ABHD17C: variants seen among roughly 807,000 people sequenced by gnomAD.
The protein encoded by ABHD17C is alpha/beta hydrolase domain-containing protein 17C.
ABHD17C carries 11 observed loss-of-function variants against 27.9 expected under a neutral mutation model. The ratio of observed to expected loss-of-function variants is 0.39; its 90% CI spans 0.25 to 0.65. The LOEUF is 0.65. Among genes scored for constraint, ABHD17C ranks in the 30% least tolerant of loss-of-function variants. The pLI, the probability that ABHD17C is intolerant of heterozygous loss-of-function variation, is 0.45. For missense variants in ABHD17C, 280 were observed against 470.2 expected, an observed-to-expected ratio of 0.60 and a Z score of 3.74; for synonymous variants, 233 against 209.1, an observed-to-expected ratio of 1.11 and a Z score of -0.98.
At chr15:80,712,952 T>C (rs1054488217) in intron 1 of ABHD17C, among the ~76,000 whole-genome samples, 3 of 152,128 alleles carry the variant, frequency 2.0e-5, no homozygotes, top group African/African-American at 7.2e-5. Context: ...TTATATACAA[T>C]GTACAGAAAA....
chr15:80,700,509 G>T (rs1413857259), intron 1 of ABHD17C, among the ~76,000 whole-genome samples: 1 of 152,118 alleles, frequency 6.6e-6, no homozygotes, highest in Non-Finnish European at 1.5e-5. Flanking sequence ...AGATGCAGAG[G>T]GAAGAAGATA....
At chr15:80,696,053 A>G (rs1195192997) in intron 1 of ABHD17C, 34 bp downstream of exon 1, 3 of 1,512,332 alleles carry the variant, frequency 2.0e-6, no homozygotes, top group Non-Finnish European at 2.7e-6. Context: ...CCTGACTTCC[A>G]GCTGTGGGGA....
intron 1 of ABHD17C, among the ~76,000 whole-genome samples, chr15:80,744,001 G>A (rs904716842): frequency 6.6e-6 from 1 of 152,172 alleles, no homozygotes; most frequent in African/African-American, 2.4e-5. Flanking sequence ...AACTGTTAAT[G>A]TTTTTTGAGA....
chr15:80,702,165 C>A (rs905642665), intron 1 of ABHD17C, among the ~76,000 whole-genome samples: 1 of 152,150 alleles, frequency 6.6e-6, no homozygotes, highest in African/African-American at 2.4e-5. Flanking sequence ...TCATTTAGTG[C>A]ACTCTTAGAG....
At chr15:80,733,249 C>G (rs774781631) in intron 1 of ABHD17C, among the ~76,000 whole-genome samples, 37 of 152,142 alleles carry the variant, frequency 2.4e-4, no homozygotes, top group African/African-American at 8.5e-4. Flanking sequence ...TTACAGAATC[C>G]CTGTTTTAGT....
At chr15:80,707,558 A>AT (rs1482309320) in intron 1 of ABHD17C, among the ~76,000 whole-genome samples, 1 of 149,276 alleles carries the variant, frequency 6.7e-6, no homozygotes, top group Non-Finnish European at 1.5e-5. Context: ...GCAATAGCTG[A>AT]TGAGCCCCCC....
At chr15:80,729,200 G>A (rs1213707305) in intron 1 of ABHD17C, among the ~76,000 whole-genome samples, 1 of 152,104 alleles carries the variant, frequency 6.6e-6, no homozygotes, top group Non-Finnish European at 1.5e-5. Context: ...TTCCTGGGAG[G>A]CCTCACAGAG....
chr15:80,734,500 T>A (rs561939606), intron 1 of ABHD17C, among the ~76,000 whole-genome samples: 2 of 152,366 alleles, frequency 1.3e-5, no homozygotes, highest in East Asian at 3.9e-4. Context: ...TTCAAGCAAA[T>A]TATTCTATTT....
chr15:80,719,278 A>T (rs2141501450), intron 1 of ABHD17C, among the ~76,000 whole-genome samples: 1 of 152,354 alleles, frequency 6.6e-6, no homozygotes, highest in African/African-American at 2.4e-5. Context: ...TTTCTTGGTT[A>T]ACCAATTTTG....
chr15:80,700,731 C>T (rs923852841), intron 1 of ABHD17C, among the ~76,000 whole-genome samples: 5 of 152,032 alleles, frequency 3.3e-5, no homozygotes, highest in African/African-American at 1.2e-4. Context: ...GGACCCCCAT[C>T]TCTACAAAAA....
At chr15:80,729,120 G>A (rs1895022577) in intron 1 of ABHD17C, among the ~76,000 whole-genome samples, 1 of 152,112 alleles carries the variant, frequency 6.6e-6, no homozygotes, top group Admixed American at 6.6e-5. Flanking sequence ...TCAGCTTGTG[G>A]GCACCAAAGG....
intron 1 of ABHD17C, among the ~76,000 whole-genome samples, chr15:80,716,172 AGG>A (rs1894801585): frequency 6.6e-6 from 1 of 152,192 alleles, no homozygotes; most frequent in Non-Finnish European, 1.5e-5. Context: ...TAACTAAAGA[AGG>A]GGGTTCTTTT....
At chr15:80,740,157 G>GACTTGACCTCATTACTT (rs1456015940) in intron 1 of ABHD17C, among the ~76,000 whole-genome samples, 3 of 152,102 alleles carry the variant, frequency 2.0e-5, no homozygotes, top group Non-Finnish European at 4.4e-5. Context: ...ACCTGTGGTA[G>GACTTGACCTCATTACTT]ACTTGACCTC....
At chr15:80,752,718 T>C (rs756357840) in intron 2 of ABHD17C, among the ~76,000 whole-genome samples, 40 of 152,322 alleles carry the variant, frequency 2.6e-4, no homozygotes, top group Admixed American at 1.2e-3. Flanking sequence ...AGAAGTAAAC[T>C]ACAAGAGGCT....
chr15:80,714,209 G>A (rs952716364), intron 1 of ABHD17C, among the ~76,000 whole-genome samples: 1 of 152,130 alleles, frequency 6.6e-6, no homozygotes, highest in African/African-American at 2.4e-5. Context: ...GCTTACCTTG[G>A]CCTCCCAAAG....
At chr15:80,754,102 G>A (rs1349843414) in intron 2 of ABHD17C, 49 bp from the exon 3 acceptor site, 1 of 1,391,662 alleles carries the variant, frequency 7.2e-7, no homozygotes. Context: ...TTATCTGTGA[G>A]CATAACTAAT....
chr15:80,733,433 C>T (rs1038295075), intron 1 of ABHD17C, among the ~76,000 whole-genome samples: 2 of 152,108 alleles, frequency 1.3e-5, no homozygotes, highest in African/African-American at 4.8e-5. Flanking sequence ...TGGGATTGAC[C>T]AGGCTTGGGT....
intron 1 of ABHD17C, among the ~76,000 whole-genome samples, chr15:80,720,845 C>T (rs1050919186): frequency 4.9e-4 from 74 of 151,122 alleles, no homozygotes; most frequent in Non-Finnish European, 8.5e-4. Context: ...CACTTGAACC[C>T]GGGAGGTGGA....
chr15:80,751,539 C>T (rs1384588703), intron 2 of ABHD17C, among the ~76,000 whole-genome samples: 1 of 152,164 alleles, frequency 6.6e-6, no homozygotes, highest in Non-Finnish European at 1.5e-5. Context: ...GCCAGGAGTA[C>T]AAGACCAACC....
Sources: gnomAD v4.1 joint callset for allele counts (sites outside exome capture counted in the v4.1 genomes callset) on GRCh38, gnomAD v4.1.1 for gene constraint, MANE v1.5 for transcripts, NCBI Gene and HGNC (gene_info 2026-07-23, HGNC 2026-07-21) for gene names.